Variants in EMP3 observed in about 807,000 individuals in gnomAD.
EMP3 encodes the protein epithelial membrane protein 3 (MAM blood group).
Under a neutral mutation model 21.6 loss-of-function variants are expected in EMP3, and 15 were observed. The observed-to-expected ratio is 0.69, with a 90% CI of 0.46 to 1.07. EMP3 has a LOEUF of 1.07. Ranked by LOEUF, EMP3 falls within the 50% of genes least tolerant of loss-of-function variation. The pLI is 0.00. For synonymous variants in EMP3, 107 were observed against 86.1 expected (o/e 1.24, Z -1.34); for missense variants, 183 against 206.6 (o/e 0.89, Z 0.70).
At chr19:48,328,535 A>T (rs55876324) in intron 3 of EMP3, among the ~76,000 whole-genome samples, 34,088 of 151,940 alleles carry the variant, frequency 0.22, 4,187 homozygotes, top group Non-Finnish European at 0.29. Context: ...GGACCATTTC[A>T]TCCAAATTCC....
At position 48,329,460 on chromosome 19, in the gene EMP3, T is replaced by G. The variant is rs1021820739; in HGVS notation, c.290T>G (p.Phe97Cys). The change falls in exon 4 of 5, where the codon TTC becomes TGC. Residue 97 changes from phenylalanine to cysteine, a missense_variant. Transcript: ENST00000270221. This position sits in a 1 kb window ranked among gnomAD's most constrained non-coding sequence, Gnocchi z 4.5. ...TACACCATGCGACGAGGAGGTCTCT[T>G]CTATGCCACCGGCCTCTGCCAGCTT... ...QLYTMRRGGL[F>C]YATGLCQLCT... is the part of the protein sequence containing the mutation. 2 of 1,614,140 alleles carry G rather than the reference T, an allele frequency of 1.2e-6. No individual in the cohort carries two copies. The highest frequency in any genetic ancestry group is 1.7e-6 in the Non-Finnish European group (2 of 1,180,008).
rs1969176829 is a variant in EMP3, at chr19:48,329,633, C to G, written c.322+141C>G. 1 of 1,078,118 alleles carries G rather than the reference C, an allele frequency of 9.3e-7. No individual in the cohort carries two copies. Among genetic ancestry groups the G allele is most frequent in the South Asian group, 1.6e-5 (1 of 63,952 alleles). 66.8% of individuals were successfully genotyped at this position (1,078,118 alleles called of 1,614,324 possible). On this transcript the variant is annotated intron_variant, in intron 4 of 4. Coordinates refer to ENST00000270221, the MANE Select transcript of EMP3 (RefSeq NM_001425.3). This position sits in a 1 kb window ranked among gnomAD's most constrained non-coding sequence, Gnocchi z 4.5. The stretch of plus-strand genomic sequence containing the variant: ...AACACCCCACGAGCCACAAGAGGTG[C>G]CTCCGTGGGCTACATCTCTGCCCCC...
At position 48,329,393 on chromosome 19, in the gene EMP3, A is replaced by G. The variant is rs1969171190; in HGVS notation, c.223A>G (p.Ile75Val). Reference protein sequence around the residue: ...AVQVLMVLSLILCCLSFILFM... With the variant: ...AVQVLMVLSLVLCCLSFILFM... ...GCAGGTCCTCATGGTGCTCTCCCTC[A>G]TTCTCTGCTGTCTCTCCTTCATCCT... Residue 75 changes from isoleucine to valine, a missense_variant, in exon 4 of 5, where the codon ATT (isoleucine) becomes GTT (valine). Transcript: ENST00000270221. The surrounding 1 kb of genome is among the most constrained non-coding windows in gnomAD (Gnocchi z 4.5). The G allele has an allele frequency of 8.7e-6, 14 of 1,613,952 alleles. No homozygotes were observed. The highest frequency in any genetic ancestry group is 1.2e-5 in the Non-Finnish European group (14 of 1,179,980).
chr19:48,327,573 C>T lies in EMP3; in HGVS notation c.131C>T (p.Thr44Met), dbSNP rs554878809. Residue 44 changes from threonine (T) to methionine (M), a missense_variant, in exon 3 of 5, where the codon ACG becomes ATG. Physicochemically the swap from Thr to Met is moderately conservative, Grantham distance 81. Coordinates refer to ENST00000270221, the MANE Select transcript of EMP3 (RefSeq NM_001425.3). Reference protein sequence around the residue: ...KESLNLWYDCTWNNDTKTWAC... With the variant: ...KESLNLWYDCMWNNDTKTWAC... ...TCCCTGAATCTCTGGTACGACTGCA[C>T]GTGGAACAACGACACCAAAACATGG... 75 of 1,613,876 alleles carry T rather than the reference C, an allele frequency of 4.6e-5. 1 individual carries two copies. In the South Asian group the frequency reaches 5.9e-4, roughly 13 times the overall value.
In EMP3 at chr19:48,329,683, T is replaced by C. The variant is rs946607171; in HGVS notation, c.322+191T>C. Among the ~76,000 whole-genome samples, 3 of 152,160 alleles carry C rather than the reference T, an allele frequency of 2.0e-5. No individual in the cohort carries two copies. The highest frequency in any genetic ancestry group is 4.4e-5 in the Non-Finnish European group (3 of 68,026). On this transcript the variant is annotated intron_variant, in intron 4 of 4. Transcript: ENST00000270221. The surrounding 1 kb of genome is among the most constrained non-coding windows in gnomAD (Gnocchi z 4.5). ...CAGGGATTGCTGGGACTTGTAGTTT[T>C]CAGTGGCTAATGATAGTTATGGCTT...
In EMP3 at chr19:48,329,624, C is replaced by G; in HGVS notation, c.322+132C>G. 1.7e-6 allele frequency: 2 copies of G among 1,177,302 alleles called. No individual in the cohort carries two copies. The highest frequency in any genetic ancestry group is 3.0e-5 in the South Asian group (2 of 66,550). The allele number at this position is 1,177,302 out of a possible 1,614,324, so 72.9% of individuals were successfully genotyped here. ...ACAACTTTCAACACCCCACGAGCCA[C>G]AAGAGGTGCCTCCGTGGGCTACATC... is the stretch of plus-strand genomic sequence containing the variant. On this transcript the variant is annotated intron_variant, in intron 4 of 4. Transcript: ENST00000270221. The surrounding 1 kb of genome is among the most constrained non-coding windows in gnomAD (Gnocchi z 4.5).
chr19:48,330,416 C>G lies in EMP3; in HGVS notation c.438C>G (p.Phe146Leu). The stretch of plus-strand genomic sequence containing the variant: ...GCTTCGCCCTGGCCTGGGTGGCCTT[C>G]CCCCTCGCCCTGGTCAGCGGCATCA... ...GYCFALAWVAFPLALVSGIIY... is the reference protein window; with the variant it reads ...GYCFALAWVALPLALVSGIIY... Residue 146 changes from phenylalanine to leucine, a missense_variant, in exon 5 of 5, where the codon TTC (phenylalanine) becomes TTG (leucine). By Grantham distance (22) the Phe-to-Leu change is conservative. Transcript: ENST00000270221. 6.3e-7 allele frequency: 1 copy of G among 1,599,062 alleles called. No homozygotes were observed. Among genetic ancestry groups the G allele is most frequent in the East Asian group, 2.3e-5 (1 of 42,616 alleles).
At position 48,329,893 on chromosome 19, in the gene EMP3, C is replaced by A. The variant is rs1248180508; in HGVS notation, c.322+401C>A. Among the ~76,000 whole-genome samples the A allele has an allele frequency of 6.6e-6, 1 of 152,128 alleles. No homozygotes were observed. Among genetic ancestry groups the A allele is most frequent in the Admixed American group, 6.6e-5 (1 of 15,266 alleles). On this transcript the variant is annotated intron_variant, in intron 4 of 4. Coordinates refer to ENST00000270221, the MANE Select transcript of EMP3 (RefSeq NM_001425.3). The surrounding 1 kb of genome is among the most constrained non-coding windows in gnomAD (Gnocchi z 4.5). ...TATATCAGCCAACCGCTGTTTCTTGCGTGCCTATTGTGCATCAGATACTTC... is the reference window on the plus strand; with the variant it reads ...TATATCAGCCAACCGCTGTTTCTTGAGTGCCTATTGTGCATCAGATACTTC...
Position 48,326,867 on chromosome 19 carries a change from T to A in EMP3, c.23T>A (p.Val8Asp). MSLLLLV[V>D]SALHILILIL... ...GCCATGTCACTCCTCTTGCTGGTGG[T>A]CTCAGCCCTTCACATCCTCATTCTT... Residue 8 changes from valine (V) to aspartate (D), a missense_variant, in exon 2 of 5, where the codon GTC (valine) becomes GAC (aspartate). Transcript: ENST00000270221. 6.2e-7 allele frequency: 1 copy of A among 1,613,946 alleles called. No individual in the cohort carries two copies. The highest frequency in any genetic ancestry group is 1.1e-5 in the South Asian group (1 of 91,082).
At position 48,329,713 on chromosome 19, in the gene EMP3, G is replaced by C. The variant is rs73587220; in HGVS notation, c.322+221G>C. On this transcript the variant is annotated intron_variant, in intron 4 of 4. Coordinates refer to ENST00000270221, the MANE Select transcript of EMP3 (RefSeq NM_001425.3). This position sits in a 1 kb window ranked among gnomAD's most constrained non-coding sequence, Gnocchi z 4.5. ...GGCTAATGATAGTTATGGCTTGTGC[G>C]TATGAGTCATCAGGGAACTCAGAGT... Among the ~76,000 whole-genome samples, 5 of 152,148 alleles carry C rather than the reference G, an allele frequency of 3.3e-5. No individual in the cohort carries two copies. The highest frequency in any genetic ancestry group is 1.2e-4 in the African/African-American group (5 of 41,418).
In EMP3 at chr19:48,329,576, G is replaced by T. The variant is rs1969175737; in HGVS notation, c.322+84G>T. 3.9e-6 allele frequency: 6 copies of T among 1,544,488 alleles called. No homozygotes were observed. In the Admixed American group the frequency reaches 1.1e-4, roughly 29 times the overall value. ...TGTGTCAAGATGCTGGGGGCCCTGA[G>T]AATGGGCCTCTCGTAGAAAAAAACA... is the stretch of plus-strand genomic sequence containing the variant. On this transcript the variant is annotated intron_variant, in intron 4 of 4. Coordinates refer to ENST00000270221, the MANE Select transcript of EMP3 (RefSeq NM_001425.3). The surrounding 1 kb of genome is among the most constrained non-coding windows in gnomAD (Gnocchi z 4.5).
chr19:48,327,049 TGAGACAAGG>T (rs1457270337), intron 2 of EMP3, 127 bp downstream of exon 2: 7 of 850,480 alleles, frequency 8.2e-6, no homozygotes, highest in Admixed American at 2.2e-5. Context: ...TCATTTATTT[TGAGACAAGG>T]GTCTCACTCT....
At chr19:48,326,386 G>A (rs1969122768) in intron 1 of EMP3, among the ~76,000 whole-genome samples, 1 of 152,104 alleles carries the variant, frequency 6.6e-6, no homozygotes, top group Non-Finnish European at 1.5e-5. Flanking sequence ...TCCAGCCAAT[G>A]GGGATCTCAG....
At chr19:48,328,643 G>C (rs1476077704) in intron 3 of EMP3, among the ~76,000 whole-genome samples, 1 of 152,138 alleles carries the variant, frequency 6.6e-6, no homozygotes, top group Non-Finnish European at 1.5e-5. Flanking sequence ...AAAGTTCTGT[G>C]TGAAAGATTT....
intron 1 of EMP3, chr19:48,325,965 C>T (rs1323886978): frequency 6.6e-6 from 1 of 152,308 alleles, no homozygotes; most frequent in Admixed American, 6.6e-5. Flanking sequence ...GAGGCTAACT[C>T]CTTCTTGGGC....
chr19:48,325,856 A>C (rs1349474431), intron 1 of EMP3: 1 of 152,082 alleles, frequency 6.6e-6, no homozygotes, highest in Non-Finnish European at 1.5e-5. Context: ...AGCGGTGTCC[A>C]CTGTCCTCTG....
Position 48,329,302 on chromosome 19 carries a change from G to A in EMP3, c.182-50G>A, listed in dbSNP as rs1969168868. On this transcript the variant is annotated intron_variant, in intron 3 of 4. Transcript: ENST00000270221. The surrounding 1 kb of genome is among the most constrained non-coding windows in gnomAD (Gnocchi z 4.5). ...ACATGGTGAGCAAGCAGGTGAAGCT[G>A]GAACTCTGGACCCACGGTGATGTCC... 6.2e-7 allele frequency: 1 copy of A among 1,609,686 alleles called. No homozygotes were observed.
rs1569018236 is a variant in EMP3 at position 48,329,308 on chromosome 19, CTG to C, written c.182-43_182-42del. 6.2e-7 allele frequency: 1 copy of C among 1,611,610 alleles called. No individual in the cohort carries two copies. The highest frequency in any genetic ancestry group is 2.2e-5 in the East Asian group (1 of 44,866). On this transcript the variant is annotated intron_variant, in intron 3 of 4. Coordinates refer to ENST00000270221, the MANE Select transcript of EMP3 (RefSeq NM_001425.3). The surrounding 1 kb of genome is among the most constrained non-coding windows in gnomAD (Gnocchi z 4.5). ...TGAGCAAGCAGGTGAAGCTGGAACT[CTG>C]GACCCACGGTGATGTCCCCCTCTGT...
Position 48,330,505 on chromosome 19 carries a change from C to T in EMP3, c.*35C>T, listed in dbSNP as rs1282707292. On this transcript the variant is annotated 3_prime_UTR_variant, in exon 5 of 5. Coordinates refer to ENST00000270221, the MANE Select transcript of EMP3 (RefSeq NM_001425.3). ...CTCGCTCGGCTGCCCCCGCCCCTTC[C>T]CGGCCCCCCTCGCCGCGCGTCCTCC... 8 of 1,530,256 alleles carry T rather than the reference C, an allele frequency of 5.2e-6. No homozygotes were observed. In the African/African-American group the frequency reaches 8.6e-5, roughly 16 times the overall value. The allele number at this position is 1,530,256 out of a possible 1,614,324, so 94.8% of individuals were successfully genotyped here.
Sources: allele counts gnomAD v4.1 joint callset (sites outside exome capture counted in the v4.1 genomes callset), GRCh38; gene constraint gnomAD v4.1.1; non-coding constraint Gnocchi (gnomAD v3.1); transcripts MANE v1.5; gene names NCBI Gene and HGNC (gene_info 2026-07-23, HGNC 2026-07-21).